Variants in RABGAP1L observed in about 807,000 individuals in gnomAD.
RABGAP1L encodes rab GTPase-activating protein 1-like.
RABGAP1L carries 63 observed loss-of-function variants against 137.7 expected under a neutral mutation model. The ratio of observed to expected loss-of-function variants is 0.46; its 90% CI spans 0.37 to 0.56. The LOEUF is 0.56. Ranked by LOEUF, RABGAP1L falls within the 20% of genes least tolerant of loss-of-function variation. The pLI is 0.00. For missense variants in RABGAP1L, 1,095 were observed against 1,244.0 expected, an observed-to-expected ratio of 0.88 and a Z score of 1.80; for synonymous variants, 431 against 433.7, an observed-to-expected ratio of 0.99 and a Z score of 0.08.
Position 174,830,982 on chromosome 1 carries a change from C to T in RABGAP1L, c.2340+19022C>T, listed in dbSNP as rs751286991. 1.3e-4 allele frequency among the ~76,000 whole-genome samples: 19 copies of T among 147,470 alleles called. 3 individuals are homozygous for T. Among genetic ancestry groups the T allele is most frequent in the South Asian group, 2.2e-4 (1 of 4,494 alleles). ...ATCAGAAAGGTGGGTTTCCAGAGTTCGGAGGAGGCTCAGAATTGTTTCAGT... is the reference window on the plus strand; with the variant it reads ...ATCAGAAAGGTGGGTTTCCAGAGTTTGGAGGAGGCTCAGAATTGTTTCAGT... On this transcript the variant is annotated intron_variant, in intron 19 of 25. Coordinates refer to ENST00000681986, the MANE Select transcript of RABGAP1L (RefSeq NM_001366446.1).
At chr1:174,817,882 G>A (rs867207071) in intron 19 of RABGAP1L, among the ~76,000 whole-genome samples, 1 of 152,304 alleles carries the variant, frequency 6.6e-6, no homozygotes, top group Middle Eastern at 3.4e-3. Context: ...GTGATTACAT[G>A]TGAGCCTCAG....
chr1:174,749,887 AT>A (rs896783798), intron 17 of RABGAP1L, among the ~76,000 whole-genome samples: 1 of 151,356 alleles, frequency 6.6e-6, no homozygotes, highest in East Asian at 2.0e-4. Flanking sequence ...ATTTTATTTT[AT>A]TTTTTTTGAG....
intron 13 of RABGAP1L, among the ~76,000 whole-genome samples, chr1:174,459,055 G>A (rs1193046216): frequency 6.6e-6 from 1 of 152,014 alleles, no homozygotes; most frequent in Non-Finnish European, 1.5e-5. Flanking sequence ...GAAAATAAAT[G>A]GTTATAGTCG....
At chr1:174,595,628 T>G (rs986477410) in intron 13 of RABGAP1L, among the ~76,000 whole-genome samples, 3 of 150,140 alleles carry the variant, frequency 2.0e-5, no homozygotes, top group South Asian at 4.3e-4. Context: ...GAGGTGTCAG[T>G]GTGCCCCTGC....
chr1:174,361,021 G>C (rs758160257), intron 11 of RABGAP1L, among the ~76,000 whole-genome samples: 20 of 152,212 alleles, frequency 1.3e-4, no homozygotes, highest in Non-Finnish European at 2.9e-4. Flanking sequence ...GCTGGGCATG[G>C]TGGTGAGTGC....
Position 174,476,998 on chromosome 1 carries a change from T to C in RABGAP1L, c.1710+82853T>C, listed in dbSNP as rs74685517. On this transcript the variant is annotated intron_variant, in intron 13 of 25. Transcript: ENST00000681986. ...GGGTTATTTGTGACAGCTGGGGCCC[T>C]CTGAAACATAGGGTTTGTGGCAGGG... 4.0e-4 allele frequency among the ~76,000 whole-genome samples: 61 copies of C among 152,286 alleles called. No individual in the cohort carries two copies. In the East Asian group the frequency reaches 0.011, roughly 27 times the overall value.
intron 17 of RABGAP1L, among the ~76,000 whole-genome samples, chr1:174,730,366 A>G (rs151312809): frequency 2.6e-4 from 39 of 152,352 alleles, no homozygotes; most frequent in African/African-American, 9.4e-4. Context: ...GTTGGATACT[A>G]TGCTCAGTAC....
At chr1:174,673,760 A>G (rs1677359751) in intron 14 of RABGAP1L, among the ~76,000 whole-genome samples, 1 of 152,158 alleles carries the variant, frequency 6.6e-6, no homozygotes, top group Non-Finnish European at 1.5e-5. Context: ...GTGGTACCTA[A>G]ATCAAAATTC....
intron 23 of RABGAP1L, among the ~76,000 whole-genome samples, chr1:174,979,361 A>T (rs1277496954): frequency 6.6e-6 from 1 of 152,172 alleles, no homozygotes; most frequent in East Asian, 1.9e-4. Context: ...CTTATAGCTT[A>T]TTACTTATAA....
chr1:174,573,557 C>T (rs1486570262), intron 13 of RABGAP1L, among the ~76,000 whole-genome samples: 3 of 152,002 alleles, frequency 2.0e-5, no homozygotes, highest in Non-Finnish European at 4.4e-5. Context: ...TTTTTCAAGG[C>T]ACTGGGATTT....
At chr1:174,909,669 C>T (rs910853204) in intron 19 of RABGAP1L, among the ~76,000 whole-genome samples, 6 of 151,958 alleles carry the variant, frequency 3.9e-5, no homozygotes, top group African/African-American at 1.5e-4. Flanking sequence ...ATAGAGAAGA[C>T]CCAATAAAAT....
intron 7 of RABGAP1L, among the ~76,000 whole-genome samples, chr1:174,269,068 G>A (rs1674329836): frequency 1.3e-5 from 2 of 151,784 alleles, no homozygotes; most frequent in Admixed American, 1.3e-4. Context: ...TAAGCCTCCC[G>A]AGTAGCTGGG....
chr1:174,238,941 C>G (rs994633653), intron 4 of RABGAP1L: 1 of 161,524 alleles, frequency 6.2e-6, no homozygotes, highest in Non-Finnish European at 1.3e-5. Context: ...GTAGGACCCT[C>G]CAAGCCAGGT....
chr1:174,170,133 A>G (rs1241494345), intron 1 of RABGAP1L, among the ~76,000 whole-genome samples: 1 of 152,160 alleles, frequency 6.6e-6, no homozygotes, highest in East Asian at 1.9e-4. Flanking sequence ...TAGATAGAAC[A>G]TAGAACCTTA....
At chr1:174,896,903 G>A (rs1054612233) in intron 19 of RABGAP1L, 2 of 152,210 alleles carry the variant, frequency 1.3e-5, no homozygotes, top group Non-Finnish European at 2.9e-5. Flanking sequence ...TTTTGGCTTA[G>A]GATTGACTTG....
intron 18 of RABGAP1L, among the ~76,000 whole-genome samples, chr1:174,786,209 G>A (rs1470973140): frequency 6.6e-6 from 1 of 152,198 alleles, no homozygotes; most frequent in East Asian, 1.9e-4. Flanking sequence ...CTGCCCTTTT[G>A]AGCAAATAAA....
chr1:174,183,867 C>CT lies in RABGAP1L; in HGVS notation c.-34+24226dup, dbSNP rs772022782. On this transcript the variant is annotated intron_variant, in intron 1 of 25. Coordinates refer to ENST00000681986, the MANE Select transcript of RABGAP1L (RefSeq NM_001366446.1). ...AGAATATACAGCCCTTTCAGATTGG[C>CT]TTTTTTTTTTTTTTTTGAGATGGAG... Among the ~76,000 whole-genome samples, 984 of 130,500 alleles carry CT rather than the reference C, an allele frequency of 7.5e-3. 23 individuals carry two copies. The highest frequency in any genetic ancestry group is 0.02 in the African/African-American group (734 of 35,866). 85.6% of individuals were successfully genotyped at this position (130,500 alleles called of 152,430 possible).
At chr1:174,936,817 CT>C (rs1455118883) in intron 19 of RABGAP1L, among the ~76,000 whole-genome samples, 2 of 151,896 alleles carry the variant, frequency 1.3e-5, no homozygotes, top group African/African-American at 4.8e-5. Flanking sequence ...AAATCACTTT[CT>C]TTTTTTAATT....
At chr1:174,417,390 A>G (rs1268629878) in intron 13 of RABGAP1L, among the ~76,000 whole-genome samples, 1 of 152,214 alleles carries the variant, frequency 6.6e-6, no homozygotes, top group African/African-American at 2.4e-5. Context: ...ACTTCATGGC[A>G]CGCTTAGCCA....
Sources: allele counts gnomAD v4.1 joint callset (sites outside exome capture counted in the v4.1 genomes callset), GRCh38; gene constraint gnomAD v4.1.1; transcripts MANE v1.5; gene names NCBI Gene and HGNC (gene_info 2026-07-23, HGNC 2026-07-21).